The following CCNY variants were observed in gnomAD, a reference collection of about 807,000 sequenced individuals.
The protein encoded by CCNY is cyclin Y, also known as cyclin-Y.
Under a neutral mutation model 42.8 loss-of-function variants are expected in CCNY, and 19 were observed. The ratio of observed to expected loss-of-function variants is 0.44; its 90% CI spans 0.31 to 0.65. The LOEUF is 0.65. Ranked by LOEUF, CCNY falls within the 30% of genes least tolerant of loss-of-function variation. CCNY has a pLI of 0.07. For missense variants in CCNY, 370 were observed against 437.3 expected (o/e 0.85, Z 1.37); for synonymous variants, 165 against 162.7 (o/e 1.01, Z -0.11).
At chr10:35,265,693 G>T (rs532981697) in intron 3 of CCNY, among the ~76,000 whole-genome samples, 3 of 152,362 alleles carry the variant, frequency 2.0e-5, no homozygotes, top group African/African-American at 7.2e-5. Flanking sequence ...ACTGAAGCAG[G>T]GCACGGGTTG....
At chr10:35,449,855 C>T (rs1387688629) in intron 1 of CCNY, 3 of 951,534 alleles carry the variant, frequency 3.2e-6, no homozygotes, top group Non-Finnish European at 3.8e-6. Context: ...GGGGGAGAGA[C>T]AAAAAGGGCC....
At chr10:35,448,403 C>G (rs1420843536) in intron 1 of CCNY, among the ~76,000 whole-genome samples, 1 of 152,142 alleles carries the variant, frequency 6.6e-6, no homozygotes, top group Non-Finnish European at 1.5e-5. Context: ...GTGACTTTGG[C>G]AAGCCCTTTA....
intron 3 of CCNY, among the ~76,000 whole-genome samples, chr10:35,287,922 G>GA (rs892828544): frequency 6.7e-6 from 1 of 150,184 alleles, no homozygotes; most frequent in Admixed American, 6.7e-5. Context: ...TCCCAAAGTG[G>GA]AAAAAAAAAG....
At chr10:35,277,337 T>G (rs982054077) in intron 3 of CCNY, among the ~76,000 whole-genome samples, 2 of 152,212 alleles carry the variant, frequency 1.3e-5, no homozygotes, top group Non-Finnish European at 2.9e-5. Flanking sequence ...CCCAGTAGAT[T>G]CAAGCTTCTT....
intron 3 of CCNY, among the ~76,000 whole-genome samples, chr10:35,300,271 C>G (rs2135072500): frequency 6.6e-6 from 1 of 152,338 alleles, no homozygotes; most frequent in South Asian, 2.1e-4. Context: ...TACTTCTGCT[C>G]TGTCTCATCA....
intron 3 of CCNY, among the ~76,000 whole-genome samples, chr10:35,264,817 G>A (rs2095723461): frequency 6.6e-6 from 1 of 151,990 alleles, no homozygotes; most frequent in South Asian, 2.1e-4. Context: ...ACCACACCTG[G>A]CTAATTTCGC....
In CCNY at chr10:35,519,064, C is replaced by T. The variant is rs535173921; in HGVS notation, c.365+2441C>T. ...TCTGGCTGAGGTATATTGTGAGTATCTGGATTTTTAACAGATCTTGATTGA... is the reference window on the plus strand; with the variant it reads ...TCTGGCTGAGGTATATTGTGAGTATTTGGATTTTTAACAGATCTTGATTGA... On this transcript the variant is annotated intron_variant, in intron 4 of 9. Coordinates refer to ENST00000374704, the MANE Select transcript of CCNY (RefSeq NM_145012.6). Among the ~76,000 whole-genome samples the T allele has an allele frequency of 2.8e-4, 42 of 149,858 alleles. No homozygotes were observed. In the East Asian group the frequency reaches 5.3e-3, roughly 19 times the overall value.
At chr10:35,394,500 G>C (rs1837480905) in intron 1 of CCNY, among the ~76,000 whole-genome samples, 1 of 152,284 alleles carries the variant, frequency 6.6e-6, no homozygotes. Flanking sequence ...GGGGACAAGG[G>C]GGGTTAGGTT....
rs1019658146 is a variant in CCNY, at chr10:35,417,167, C to T, written c.155-66237C>T. On this transcript the variant is annotated intron_variant, in intron 1 of 9. Coordinates refer to ENST00000374704, the MANE Select transcript of CCNY (RefSeq NM_145012.6). ...GATGACCAGGAAATGCTGGGAAGCA[C>T]GTGGAATGCCAGTCTTTGCTTTGAC... Among the ~76,000 whole-genome samples the T allele has an allele frequency of 2.0e-5, 3 of 152,188 alleles. No homozygotes were observed. The South Asian group carries it at 6.2e-4, about 32-fold the overall frequency.
intron 3 of CCNY, among the ~76,000 whole-genome samples, chr10:35,300,228 G>A (rs189154796): frequency 4.6e-5 from 7 of 152,218 alleles, no homozygotes; most frequent in Admixed American, 1.3e-4. Flanking sequence ...GTGGTACCCC[G>A]CCCTGGAAAT....
At chr10:35,331,579 G>A (rs745383033), upstream of CCNY, among the ~76,000 whole-genome samples, 9 of 152,090 alleles carry the variant, frequency 5.9e-5, no homozygotes, top group Non-Finnish European at 1.0e-4. Flanking sequence ...TCCCTCACTC[G>A]TTCCCTCATG....
chr10:35,355,570 C>T (rs1035610542), intron 1 of CCNY, among the ~76,000 whole-genome samples: 1 of 144,732 alleles, frequency 6.9e-6, no homozygotes, highest in African/African-American at 2.5e-5. Flanking sequence ...CCCAGCTACT[C>T]GGGAGGCTGA....
chr10:35,315,876 A>G (rs1835754061), intron 3 of CCNY, among the ~76,000 whole-genome samples: 1 of 152,174 alleles, frequency 6.6e-6, no homozygotes, highest in African/African-American at 2.4e-5. Context: ...CACCACTGCC[A>G]TCTGTCTCCG....
intron 3 of CCNY, among the ~76,000 whole-genome samples, chr10:35,308,774 G>A (rs892643697): frequency 2.0e-5 from 3 of 152,182 alleles, no homozygotes; most frequent in South Asian, 2.1e-4. Context: ...GCAGCCATGC[G>A]GATGTGACCT....
intron 1 of CCNY, among the ~76,000 whole-genome samples, chr10:35,450,490 A>G (rs1048729115): frequency 6.6e-6 from 1 of 151,996 alleles, no homozygotes; most frequent in Non-Finnish European, 1.5e-5. Flanking sequence ...CTTGATTGCT[A>G]AGGGACAGCC....
intron 1 of CCNY, among the ~76,000 whole-genome samples, chr10:35,404,228 A>G (rs1454803504): frequency 6.6e-6 from 1 of 152,212 alleles, no homozygotes; most frequent in African/African-American, 2.4e-5. Context: ...GCACACAGAC[A>G]TGAGGGCTAG....
intron 1 of CCNY, among the ~76,000 whole-genome samples, chr10:35,380,196 T>G (rs114582610): frequency 0.011 from 1,676 of 152,344 alleles, 41 homozygotes; most frequent in African/African-American, 0.039. Context: ...CTGGAAGTGC[T>G]GCTCCCATTT....
intron 2 of CCNY, among the ~76,000 whole-genome samples, chr10:35,489,678 T>A (rs1381203859): frequency 6.6e-6 from 1 of 152,252 alleles, no homozygotes. Context: ...CTAGTTTATA[T>A]GTCGAAAAAT....
chr10:35,278,860 A>T (rs1835267986), intron 3 of CCNY, among the ~76,000 whole-genome samples: 1 of 152,120 alleles, frequency 6.6e-6, no homozygotes, highest in Non-Finnish European at 1.5e-5. Flanking sequence ...ATCCTGGCAA[A>T]GGCACACTAT....
Sources: allele counts gnomAD v4.1 joint callset (sites outside exome capture counted in the v4.1 genomes callset), GRCh38; gene constraint gnomAD v4.1.1; transcripts MANE v1.5; gene names NCBI Gene and HGNC (gene_info 2026-07-23, HGNC 2026-07-21).